PKD2L1: variants seen among roughly 807,000 people sequenced by gnomAD.
The protein encoded by PKD2L1 is polycystin 2 like 1, transient receptor potential cation channel, also known as polycystin-2-like protein 1.
Under a neutral mutation model 93.0 loss-of-function variants are expected in PKD2L1, and 77 were observed. The ratio of observed to expected loss-of-function variants is 0.83; its 90% CI spans 0.69 to 1.00. The LOEUF is 1.00. Ranked by LOEUF, PKD2L1 falls within the 50% of genes least tolerant of loss-of-function variation. The pLI, the probability that PKD2L1 is intolerant of heterozygous loss-of-function variation, is 0.00. For missense variants in PKD2L1, 977 were observed against 990.9 expected (o/e 0.99, Z 0.19); for synonymous variants, 390 against 388.0 (o/e 1.01, Z -0.06).
chr10:100,299,012 A>G (rs1312203559), intron 3 of PKD2L1, among the ~76,000 whole-genome samples, 197 bp from the exon 4 acceptor site: 1 of 147,450 alleles, frequency 6.8e-6, no homozygotes, highest in Non-Finnish European at 1.5e-5. Flanking sequence ...CAGTGACACA[A>G]TCTCGGCTCA....
chr10:100,326,061 T>A (rs374594377), intron 2 of PKD2L1, among the ~76,000 whole-genome samples: 105 of 152,224 alleles, frequency 6.9e-4, no homozygotes, highest in African/African-American at 2.4e-3. Flanking sequence ...TTTTTAAAAA[T>A]CCCATTAATA....
rs761042278 is a variant in PKD2L1, at chr10:100,293,357, T to C, written c.1682A>G (p.Asn561Ser). 14 of 1,612,678 alleles carry C rather than the reference T, an allele frequency of 8.7e-6. No homozygotes were observed. The highest frequency in any genetic ancestry group is 1.3e-5 in the African/African-American group (1 of 75,030). ...VLLNMFLAII[N>S]DTYSEVKEEL... is the part of the protein sequence containing the mutation. ...CTCCTTGACCTCTGAATATGTGTCA[T>C]TGATGATGGCCAGGAACATGTTCTG... The change falls in exon 10 of 16, where the codon AAT (asparagine) becomes AGT (serine). Residue 561 changes from asparagine (N) to serine (S), a missense_variant. Coordinates refer to ENST00000318222, the MANE Select transcript of PKD2L1 (RefSeq NM_016112.3).
At chr10:100,313,033 G>C (rs773681575) in intron 2 of PKD2L1, among the ~76,000 whole-genome samples, 4 of 152,114 alleles carry the variant, frequency 2.6e-5, no homozygotes, top group Admixed American at 6.6e-5. Context: ...GTAGTAAAAC[G>C]TAAAAGTCCT....
At chr10:100,325,509 T>G (rs1849358467) in intron 2 of PKD2L1, among the ~76,000 whole-genome samples, 1 of 152,194 alleles carries the variant, frequency 6.6e-6, no homozygotes, top group Admixed American at 6.5e-5. Context: ...ATCATCAGAA[T>G]GTGAAGGCCT....
intron 2 of PKD2L1, among the ~76,000 whole-genome samples, chr10:100,306,862 A>T (rs1328774787): frequency 1.0e-4 from 15 of 149,022 alleles, no homozygotes; most frequent in African/African-American, 3.8e-4. Context: ...TGTCAAAAAA[A>T]AAAAAAAAAA....
intron 9 of PKD2L1, among the ~76,000 whole-genome samples, chr10:100,294,066 T>C (rs1257100896): frequency 1.3e-5 from 2 of 152,024 alleles, no homozygotes; most frequent in African/African-American, 4.8e-5. Context: ...TGAGCTGAGA[T>C]TGCACCACTG....
chr10:100,296,572 C>T (rs1323877012), intron 6 of PKD2L1, among the ~76,000 whole-genome samples: 3 of 152,018 alleles, frequency 2.0e-5, no homozygotes, highest in African/African-American at 7.3e-5. Flanking sequence ...CATTTCCTTC[C>T]GCTCCCACCA....
chr10:100,295,186 T>C, intron 7 of PKD2L1, 63 bp from the exon 8 acceptor site: 2 of 1,422,134 alleles, frequency 1.4e-6, no homozygotes. Flanking sequence ...GAAAAGTCCA[T>C]GCCAAGGGCC....
chr10:100,318,526 T>C (rs953097989), intron 2 of PKD2L1, among the ~76,000 whole-genome samples: 8 of 151,746 alleles, frequency 5.3e-5, no homozygotes, highest in African/African-American at 9.7e-5. Context: ...CTTTTCTTTT[T>C]TTTTTTTTTT....
intron 6 of PKD2L1, among the ~76,000 whole-genome samples, chr10:100,296,735 A>G (rs375613731): frequency 1.2e-3 from 188 of 151,430 alleles, no homozygotes; most frequent in African/African-American, 4.4e-3. Context: ...AATATAGTAC[A>G]CTAAAAAAAA....
In PKD2L1 at chr10:100,291,414, C is replaced by T; in HGVS notation, c.1894G>A (p.Glu632Lys). 1 of 1,614,108 alleles carries T rather than the reference C, an allele frequency of 6.2e-7. No individual in the cohort carries two copies. Among genetic ancestry groups the T allele is most frequent in the African/African-American group, 1.3e-5 (1 of 75,036 alleles). Residue 632 changes from glutamate (E) to lysine (K), a missense_variant, in exon 12 of 16, where the codon GAG (glutamate) becomes AAG (lysine). Transcript: ENST00000318222. ...GCCGTGAGCTCAGTGATTTCATGCT[C>T]TGCGTGTCCCAGTCTGAGAAGAGGA... The part of the protein sequence containing the change: ...TNTLRELGHA[E>K]HEITELTATF...
rs1271358792 is a variant in PKD2L1, at chr10:100,288,436, C to T, written c.2378G>A (p.Arg793Lys). Residue 793 changes from arginine to lysine, a missense_variant, in exon 16 of 16, where the codon AGA becomes AAA. By Grantham distance (26) the Arg-to-Lys change is conservative. Transcript: ENST00000318222. The stretch of plus-strand genomic sequence containing the variant: ...CGTTGGAATCTCACCACGGGAGAGT[C>T]TCCTCTCCTCTAAGGCTTCCTCTTC... The part of the protein sequence containing the change: ...KREEEALEER[R>K]LSRGEIPTLQ... 6.2e-7 allele frequency: 1 copy of T among 1,612,734 alleles called. No individual in the cohort carries two copies. Among genetic ancestry groups the T allele is most frequent in the South Asian group, 1.1e-5 (1 of 91,050 alleles).
chr10:100,323,484 GTCTCGAAC>G (rs1849309385), intron 2 of PKD2L1, among the ~76,000 whole-genome samples: 1 of 152,166 alleles, frequency 6.6e-6, no homozygotes, highest in African/African-American at 2.4e-5. Context: ...GGCCAGGCTG[GTCTCGAAC>G]TCCTGATCTC....
rs146693057 is a variant in PKD2L1 at position 100,297,442 on chromosome 10, C to G, written c.896G>C (p.Arg299Pro). 4.2e-4 allele frequency: 685 copies of G among 1,614,172 alleles called. 7 individuals are homozygous for G. The Admixed American group carries it at 0.011, about 26-fold the overall frequency. ...QEGLWLDRGT[R>P]VVFIDFSVYN... is the part of the protein sequence containing the mutation. The stretch of plus-strand genomic sequence containing the variant: ...GACTGAGAAGTCGATGAACACCACT[C>G]GAGTGCCCCTGTCCAGCCACAGCCC... The change falls in exon 5 of 16, where the codon CGA (arginine) becomes CCA (proline). Residue 299 changes from arginine to proline, a missense_variant. Transcript: ENST00000318222.
At chr10:100,310,748 C>G (rs146527727) in intron 2 of PKD2L1, among the ~76,000 whole-genome samples, 3 of 152,138 alleles carry the variant, frequency 2.0e-5, no homozygotes, top group Admixed American at 2.0e-4. Flanking sequence ...CTCACTCTGT[C>G]GCCCAGGCTG....
At chr10:100,326,358 T>C (rs1226726476) in intron 2 of PKD2L1, among the ~76,000 whole-genome samples, 1 of 152,252 alleles carries the variant, frequency 6.6e-6, no homozygotes, top group Non-Finnish European at 1.5e-5. Context: ...TGATGCACTT[T>C]AACCAAACTG....
chr10:100,303,191 G>GTT (rs146131470), intron 2 of PKD2L1, among the ~76,000 whole-genome samples: 11,971 of 128,528 alleles, frequency 0.093, 2,384 homozygotes, highest in African/African-American at 0.33. Context: ...ACATCAAACT[G>GTT]TTTTTTTGTT....
At chr10:100,316,914 C>A (rs1849112270) in intron 2 of PKD2L1, among the ~76,000 whole-genome samples, 1 of 151,946 alleles carries the variant, frequency 6.6e-6, no homozygotes, top group African/African-American at 2.4e-5. Flanking sequence ...TGGTAAAACC[C>A]CATCTCTACC....
At chr10:100,295,693 A>G (rs1848515953) in intron 7 of PKD2L1, among the ~76,000 whole-genome samples, 1 of 133,008 alleles carries the variant, frequency 7.5e-6, no homozygotes, top group Non-Finnish European at 1.6e-5. Context: ...AGATCGTGCC[A>G]TTGTACTCCA....
Sources: allele counts gnomAD v4.1 joint callset (sites outside exome capture counted in the v4.1 genomes callset), GRCh38; gene constraint gnomAD v4.1.1; transcripts MANE v1.5; gene names NCBI Gene and HGNC (gene_info 2026-07-23, HGNC 2026-07-21).